The following ULK4 variants were observed in gnomAD, a reference collection of about 807,000 sequenced individuals.
The protein encoded by ULK4 is unc-51 like kinase 4.
In ULK4, 133 loss-of-function variants were observed where a neutral mutation model predicts 160.6. That is an observed-to-expected ratio of 0.83 (90% CI 0.72 to 0.96). The LOEUF is 0.96. Ranked by LOEUF, ULK4 falls within the 40% of genes least tolerant of loss-of-function variation. The probability of loss-of-function intolerance (pLI) is 0.00; values close to 1 mark genes in which losing one functional copy is unlikely to be tolerated. For synonymous variants in ULK4, 534 were observed against 539.8 expected, an observed-to-expected ratio of 0.99 and a Z score of 0.15; for missense variants, 1,580 against 1,499.5, an observed-to-expected ratio of 1.05 and a Z score of -0.89.
At position 41,681,585 on chromosome 3, in the gene ULK4, A is replaced by C; in HGVS notation, c.2901T>G (p.Phe967Leu). The C allele has an allele frequency of 6.2e-7, 1 of 1,614,026 alleles. No individual in the cohort carries two copies. Among genetic ancestry groups the C allele is most frequent in the Non-Finnish European group, 8.5e-7 (1 of 1,179,984 alleles). Residue 967 changes from phenylalanine to leucine, a missense_variant, in exon 29 of 37, where the codon TTT (phenylalanine) becomes TTG (leucine). Coordinates refer to ENST00000301831, the MANE Select transcript of ULK4 (RefSeq NM_017886.4). ...CACTGGCCTTCTCCTTGCCATCCCCAAACTCCTGGTTCACGAGTAGAGATG... is the reference window on the plus strand; with the variant it reads ...CACTGGCCTTCTCCTTGCCATCCCCCAACTCCTGGTTCACGAGTAGAGATG... ...ETTSLLVNQE[F>L]GDGKEKASVD...
chr3:41,496,862 A>C (rs942432410), intron 32 of ULK4, among the ~76,000 whole-genome samples: 4 of 152,154 alleles, frequency 2.6e-5, no homozygotes, highest in Non-Finnish European at 5.9e-5. Context: ...AAAACAAAAA[A>C]TAAGCCTTGA....
intron 18 of ULK4, among the ~76,000 whole-genome samples, chr3:41,823,272 T>C (rs923420053): frequency 2.6e-5 from 4 of 152,126 alleles, no homozygotes; most frequent in East Asian, 3.9e-4. Context: ...AAGCATGGCA[T>C]AGTGGGTTTA....
chr3:41,590,781 G>GAA lies in ULK4; in HGVS notation c.3121-24653_3121-24652dup, dbSNP rs553763939. ...GTATATCCAAAACTAGGTACAGAAAGAAAAAAAAAAAAACTCTGAAAAATG... is the reference window on the plus strand; with the variant it reads ...GTATATCCAAAACTAGGTACAGAAAGAAAAAAAAAAAAAAACTCTGAAAAATG... On this transcript the variant is annotated intron_variant, in intron 31 of 36. Transcript: ENST00000301831. Among the ~76,000 whole-genome samples the GAA allele has an allele frequency of 4.0e-3, 480 of 121,232 alleles. 3 individuals carry two copies. Among genetic ancestry groups the GAA allele is most frequent in the African/African-American group, 0.014 (457 of 33,472 alleles). 79.5% of individuals were successfully genotyped at this position (121,232 alleles called of 152,430 possible). A position where few individuals can be genotyped will look rare whatever the true frequency, so the allele number is the denominator to read the frequency against.
chr3:41,781,871 G>A (rs112071272), intron 21 of ULK4, among the ~76,000 whole-genome samples: 18,842 of 152,076 alleles, frequency 0.12, 1,345 homozygotes, highest in Middle Eastern at 0.27. Context: ...CCCGGGAGGC[G>A]GAGGTTGCAG....
intron 8 of ULK4, among the ~76,000 whole-genome samples, chr3:41,915,117 G>A (rs745864635): frequency 2.7e-5 from 4 of 149,706 alleles, no homozygotes; most frequent in Admixed American, 1.3e-4. Context: ...GTAGGGATAT[G>A]TGGATACACC....
intron 22 of ULK4, among the ~76,000 whole-genome samples, chr3:41,739,362 A>G (rs959343073): frequency 4.6e-5 from 7 of 151,942 alleles, no homozygotes; most frequent in Non-Finnish European, 1.0e-4. Flanking sequence ...TGGTTAGTGA[A>G]TGGTTCAGTA....
intron 5 of ULK4, among the ~76,000 whole-genome samples, chr3:41,931,025 T>C (rs1260132942): frequency 6.6e-6 from 1 of 152,184 alleles, no homozygotes; most frequent in African/African-American, 2.4e-5. Context: ...TAAAGACATA[T>C]GCACACGTAT....
At chr3:41,801,032 A>G (rs1464193993) in intron 19 of ULK4, among the ~76,000 whole-genome samples, 1 of 152,248 alleles carries the variant, frequency 6.6e-6, no homozygotes, top group Non-Finnish European at 1.5e-5. Context: ...TCATAATTCA[A>G]TCGCTAGAAA....
At chr3:41,676,504 A>G (rs1161515321) in intron 29 of ULK4, among the ~76,000 whole-genome samples, 1 of 152,172 alleles carries the variant, frequency 6.6e-6, no homozygotes, top group Non-Finnish European at 1.5e-5. Context: ...CTAACATTAT[A>G]TAGACCCAAA....
At chr3:41,429,388 C>A (rs2082850645) in intron 34 of ULK4, among the ~76,000 whole-genome samples, 1 of 152,188 alleles carries the variant, frequency 6.6e-6, no homozygotes. Context: ...ACCCAGCAAT[C>A]CTATTACTGC....
intron 32 of ULK4, among the ~76,000 whole-genome samples, chr3:41,483,425 A>G (rs532995860): frequency 6.6e-6 from 1 of 152,128 alleles, no homozygotes; most frequent in East Asian, 1.9e-4. Flanking sequence ...TCATATGCAT[A>G]CTGTTTCCAC....
chr3:41,493,160 T>C (rs944938972), intron 32 of ULK4, among the ~76,000 whole-genome samples: 13 of 137,254 alleles, frequency 9.5e-5, no homozygotes, highest in South Asian at 2.5e-4. Context: ...TATTCCAAAA[T>C]TGACCACATA....
At chr3:41,648,932 A>G (rs1470665618) in intron 30 of ULK4, among the ~76,000 whole-genome samples, 1 of 152,112 alleles carries the variant, frequency 6.6e-6, no homozygotes, top group Non-Finnish European at 1.5e-5. Context: ...CCAGGAGACC[A>G]GCCTGGACAA....
intron 30 of ULK4, among the ~76,000 whole-genome samples, chr3:41,618,987 G>A (rs1277853040): frequency 1.3e-5 from 2 of 151,328 alleles, no homozygotes; most frequent in Non-Finnish European, 3.0e-5. Flanking sequence ...TAGTCTCTAG[G>A]ATTTAAAATA....
At chr3:41,865,000 G>A (rs544978481) in intron 17 of ULK4, among the ~76,000 whole-genome samples, 18 of 152,048 alleles carry the variant, frequency 1.2e-4, no homozygotes, top group Non-Finnish European at 2.1e-4. Flanking sequence ...GGCCAGGCAC[G>A]GTGGCTCATG....
At chr3:41,887,269 G>A (rs1697759925) in intron 16 of ULK4, among the ~76,000 whole-genome samples, 1 of 152,202 alleles carries the variant, frequency 6.6e-6, no homozygotes, top group Admixed American at 6.5e-5. Context: ...GTTGTTCTAA[G>A]AATCAGGAGA....
At chr3:41,525,868 G>A (rs2086098004) in intron 32 of ULK4, among the ~76,000 whole-genome samples, 2 of 152,078 alleles carry the variant, frequency 1.3e-5, no homozygotes, top group Non-Finnish European at 1.5e-5. Flanking sequence ...CTCCGTCATT[G>A]TCTCTATGCA....
At chr3:41,370,765 C>A (rs1038103477) in intron 35 of ULK4, among the ~76,000 whole-genome samples, 1 of 152,190 alleles carries the variant, frequency 6.6e-6, no homozygotes, top group Non-Finnish European at 1.5e-5. Flanking sequence ...TTCCAAACCC[C>A]AGTGGCGCCT....
intron 32 of ULK4, among the ~76,000 whole-genome samples, chr3:41,518,739 A>G (rs1368196114): frequency 6.6e-6 from 1 of 152,208 alleles, no homozygotes; most frequent in Non-Finnish European, 1.5e-5. Context: ...GGGAAAAAAG[A>G]GTGAGCCAGA....
Sources: gnomAD v4.1 joint callset for allele counts (sites outside exome capture counted in the v4.1 genomes callset) on GRCh38, gnomAD v4.1.1 for gene constraint, MANE v1.5 for transcripts, NCBI Gene and HGNC (gene_info 2026-07-23, HGNC 2026-07-21) for gene names.